Variants in SLC1A2 observed in about 807,000 individuals in gnomAD.
The protein encoded by SLC1A2 is excitatory amino acid transporter 2.
In SLC1A2, 15 loss-of-function variants were observed where a neutral mutation model predicts 48.8. The ratio of observed to expected loss-of-function variants is 0.31; its 90% CI spans 0.21 to 0.47. The LOEUF is 0.47. Ranked by LOEUF, SLC1A2 falls within the 20% of genes least tolerant of loss-of-function variation. The probability of loss-of-function intolerance (pLI) is 0.99; values close to 1 mark genes in which losing one functional copy is unlikely to be tolerated. For synonymous variants in SLC1A2, 279 were observed against 272.6 expected (o/e 1.02, Z -0.23); for missense variants, 502 against 730.5 (o/e 0.69, Z 3.61).
At chr11:35,361,807 T>G (rs1853689790) in intron 1 of SLC1A2, among the ~76,000 whole-genome samples, 1 of 152,060 alleles carries the variant, frequency 6.6e-6, no homozygotes, top group East Asian at 1.9e-4. Context: ...CAAAACCAAG[T>G]CTTCCACAAA....
intron 1 of SLC1A2, among the ~76,000 whole-genome samples, chr11:35,329,691 A>G (rs781239105): frequency 2.9e-4 from 44 of 152,216 alleles, no homozygotes; most frequent in East Asian, 7.7e-4. Context: ...CCACATACCA[A>G]TGTCTGGTCA....
intron 5 of SLC1A2, among the ~76,000 whole-genome samples, chr11:35,303,804 G>A: frequency 2.9e-5 from 2 of 68,252 alleles, no homozygotes; most frequent in Non-Finnish European, 4.1e-5. Flanking sequence ...GGAGAGAAAT[G>A]GTTCCTTAAA....
At chr11:35,392,310 GAC>G (rs1257496885) in intron 1 of SLC1A2, 3 of 152,180 alleles carry the variant, frequency 2.0e-5, no homozygotes, top group African/African-American at 4.8e-5. Flanking sequence ...TACATAGGAA[GAC>G]ACAGAGAATG....
intron 1 of SLC1A2, among the ~76,000 whole-genome samples, chr11:35,393,248 G>A (rs1272142915): frequency 1.3e-5 from 2 of 152,192 alleles, no homozygotes; most frequent in East Asian, 3.8e-4. Flanking sequence ...TGCCAGATGT[G>A]GCTGTATCTG....
chr11:35,337,486 C>T (rs1009966358), intron 1 of SLC1A2, among the ~76,000 whole-genome samples: 1 of 152,088 alleles, frequency 6.6e-6, no homozygotes, highest in Non-Finnish European at 1.5e-5. Context: ...GGTCTTTCCA[C>T]CAGTTCAGGA....
chr11:35,299,601 G>A (rs1395364465), intron 6 of SLC1A2: 1 of 152,102 alleles, frequency 6.6e-6, no homozygotes, highest in African/African-American at 2.4e-5. Context: ...ATGAAATAGT[G>A]AGGAGCATCT....
chr11:35,392,979 C>T (rs1854829593), intron 1 of SLC1A2, among the ~76,000 whole-genome samples: 1 of 152,214 alleles, frequency 6.6e-6, no homozygotes, highest in Non-Finnish European at 1.5e-5. Flanking sequence ...GGTCAAATGA[C>T]AGATGACTAT....
chr11:35,387,475 C>T (rs1854621610), intron 1 of SLC1A2, among the ~76,000 whole-genome samples: 1 of 152,156 alleles, frequency 6.6e-6, no homozygotes, highest in Admixed American at 6.5e-5. Context: ...TATTACCTTC[C>T]CCTGGAGAGT....
chr11:35,368,441 T>C (rs947746637), intron 1 of SLC1A2, among the ~76,000 whole-genome samples: 1 of 152,236 alleles, frequency 6.6e-6, no homozygotes, highest in Non-Finnish European at 1.5e-5. Flanking sequence ...CAAAAAATGC[T>C]TGGCCTGCAG....
In SLC1A2 at chr11:35,376,191, T is replaced by A. The variant is rs570019184; in HGVS notation, c.17+42759A>T. Among the ~76,000 whole-genome samples the A allele has an allele frequency of 4.6e-5, 6 of 131,446 alleles. No homozygotes were observed. The East Asian group carries it at 1.1e-3, about 23-fold the overall frequency. 86.2% of individuals were successfully genotyped at this position (131,446 alleles called of 152,430 possible). A position where few individuals can be genotyped will look rare whatever the true frequency, so the allele number is the denominator to read the frequency against. Reference sequence around the variant, plus strand: ...CAATCCCAGATTGAGAGGTATTCTATTAAAAAAAAAAAAACCCTCTTTGAA... The same window carrying A: ...CAATCCCAGATTGAGAGGTATTCTAATAAAAAAAAAAAAACCCTCTTTGAA... On this transcript the variant is annotated intron_variant, in intron 1 of 10. Transcript: ENST00000278379.
intron 4 of SLC1A2, among the ~76,000 whole-genome samples, chr11:35,311,922 G>GA (rs772570653): frequency 4.6e-4 from 5 of 10,836 alleles, no homozygotes; most frequent in African/African-American, 8.7e-4. Context: ...GAGAGAGAGA[G>GA]GCGGGGGGGG....
chr11:35,395,092 A>G (rs1462106594), intron 1 of SLC1A2, among the ~76,000 whole-genome samples: 1 of 151,880 alleles, frequency 6.6e-6, no homozygotes, highest in Non-Finnish European at 1.5e-5. Flanking sequence ...ATGAACAACA[A>G]TGGGCTCTCC....
At chr11:35,311,897 GGAGAGAGA>G (rs1213084635) in intron 4 of SLC1A2, among the ~76,000 whole-genome samples, 2 of 25,700 alleles carry the variant, frequency 7.8e-5, no homozygotes, top group Non-Finnish European at 1.4e-4. Flanking sequence ...AGAGAGGGAG[GGAGAGAGA>G]GAGAGAGAGA....
At chr11:35,351,757 T>A (rs1249534817) in intron 1 of SLC1A2, among the ~76,000 whole-genome samples, 2 of 152,202 alleles carry the variant, frequency 1.3e-5, no homozygotes, top group Non-Finnish European at 2.9e-5. Context: ...TGCCTCAATC[T>A]CCTGAGTAGC....
chr11:35,328,924 C>T (rs1450883181), intron 1 of SLC1A2, among the ~76,000 whole-genome samples: 1 of 152,198 alleles, frequency 6.6e-6, no homozygotes, highest in Non-Finnish European at 1.5e-5. Flanking sequence ...ATCTCCAAAA[C>T]TTATGTCCAC....
chr11:35,311,754 G>A (rs1270423357), intron 4 of SLC1A2, among the ~76,000 whole-genome samples: 2 of 151,764 alleles, frequency 1.3e-5, no homozygotes, highest in Non-Finnish European at 2.9e-5. Flanking sequence ...CCACGTTTGA[G>A]AACCACTGTG....
intron 1 of SLC1A2, among the ~76,000 whole-genome samples, chr11:35,354,633 A>G (rs973290795): frequency 6.6e-6 from 1 of 152,106 alleles, no homozygotes. Context: ...CACCCCCCAA[A>G]ACAAAGAATT....
chr11:35,304,471 G>T (rs767259897), intron 5 of SLC1A2, among the ~76,000 whole-genome samples: 1 of 151,946 alleles, frequency 6.6e-6, no homozygotes, highest in Admixed American at 6.6e-5. Flanking sequence ...GTGGGTGCTG[G>T]GGATATTTGC....
chr11:35,268,407 C>T lies in SLC1A2; in HGVS notation c.1422-2649G>A, dbSNP rs11033049. On this transcript the variant is annotated intron_variant, in intron 9 of 10. Transcript: ENST00000278379. ...AATATAGTTTATAGGCTGGGCATGG[C>T]GGCTCATGCCTGTAATCGCAGCACT... Among the ~76,000 whole-genome samples, 69 of 152,160 alleles carry T rather than the reference C, an allele frequency of 4.5e-4. No individual in the cohort carries two copies. The East Asian group carries it at 0.012, about 27-fold the overall frequency.
Sources: allele counts gnomAD v4.1 joint callset (sites outside exome capture counted in the v4.1 genomes callset), GRCh38; gene constraint gnomAD v4.1.1; transcripts MANE v1.5; gene names NCBI Gene and HGNC (gene_info 2026-07-23, HGNC 2026-07-21).